RTEL1: variants seen among roughly 807,000 people sequenced by gnomAD.
RTEL1 encodes regulator of telomere elongation helicase 1.
A neutral mutation model predicts 162.2 loss-of-function variants in RTEL1; 86 were observed. The ratio of observed to expected loss-of-function variants is 0.53; its 90% CI spans 0.45 to 0.63. The LOEUF is 0.63. RTEL1 is among the 30% of genes least tolerant of loss of function. The pLI, the probability that RTEL1 is intolerant of heterozygous loss-of-function variation, is 0.00. For missense variants in RTEL1, 1,941 were observed against 1,750.2 expected (o/e 1.11, Z -1.95); for synonymous variants, 958 against 717.9 (o/e 1.33, Z -5.35).
intron 16 of RTEL1, chr20:63,687,286 C>T (rs926912117): frequency 1.2e-5 from 3 of 246,746 alleles, no homozygotes; most frequent in Admixed American, 5.0e-5. Flanking sequence ...CCGGCGCTTC[C>T]TTCCCGTGTG....
intron 30 of RTEL1, among the ~76,000 whole-genome samples, chr20:63,693,517 C>CCTT (rs2090853658): frequency 9.5e-6 from 1 of 105,496 alleles, no homozygotes; most frequent in Non-Finnish European, 2.0e-5. Context: ...ACCTCCTCCA[C>CCTT]CACCACCACC....
At chr20:63,688,991 C>T in intron 21 of RTEL1, 64 bp from the exon 22 acceptor site, 3 of 1,417,450 alleles carry the variant, frequency 2.1e-6, no homozygotes, top group Non-Finnish European at 3.0e-6. Context: ...CCTGGGTCTC[C>T]CTCATGGGGG....
At position 63,690,962 on chromosome 20, in the gene RTEL1, C is replaced by T. The variant is rs1396455354; in HGVS notation, c.2556+15C>T. On this transcript the variant is annotated intron_variant, in intron 27 of 34. Coordinates refer to ENST00000360203, the MANE Select transcript of RTEL1 (RefSeq NM_001283009.2). Reference sequence around the variant, plus strand: ...GCGAGGAGCAGGTACAGTTCCAGGGCCTTGGGATGGACACAGACCCTCTGT... The same window carrying T: ...GCGAGGAGCAGGTACAGTTCCAGGGTCTTGGGATGGACACAGACCCTCTGT... 3.9e-6 allele frequency: 6 copies of T among 1,544,282 alleles called. No individual in the cohort carries two copies. The African/African-American group carries it at 4.1e-5, about 11-fold the overall frequency.
chr20:63,692,011 C>G (rs1206376543), intron 28 of RTEL1, 174 bp downstream of exon 28: 1 of 571,184 alleles, frequency 1.8e-6, no homozygotes, highest in East Asian at 3.0e-5. Context: ...GTGGTTTCTT[C>G]TGCAGGGGGC....
At chr20:63,683,479 G>A (rs777760788) in intron 14 of RTEL1, among the ~76,000 whole-genome samples, 2 of 152,252 alleles carry the variant, frequency 1.3e-5, no homozygotes, top group South Asian at 2.1e-4. Context: ...CCTTCTGTGC[G>A]TACCCAGGCA....
intron 8 of RTEL1, 120 bp downstream of exon 8, chr20:63,667,673 A>T (rs2090163558): frequency 2.5e-6 from 2 of 803,726 alleles, no homozygotes; most frequent in Non-Finnish European, 4.3e-6. Flanking sequence ...GGGTGGGAGG[A>T]CTCACCTCTG....
Position 63,695,050 on chromosome 20 carries a change from T to C in RTEL1, c.3344-16T>C, listed in dbSNP as rs763563694. 2.8e-5 allele frequency: 45 copies of C among 1,611,024 alleles called. No homozygotes were observed. Among genetic ancestry groups the C allele is most frequent in the South Asian group, 6.6e-5 (6 of 91,038 alleles). On this transcript the variant is annotated splice_polypyrimidine_tract_variant and intron_variant, in intron 32 of 34. Transcript: ENST00000360203. ...AAAATGGGGGCTGTGCCGGGTCTGA[T>C]TGAAGCTCCCCGCAGGGTTCAGCAT...
In RTEL1 at chr20:63,696,237, C is replaced by A; in HGVS notation, c.*379C>A. The A allele has an allele frequency of 3.2e-6, 1 of 316,842 alleles. No individual in the cohort carries two copies. The highest frequency in any genetic ancestry group is 5.6e-5 in the South Asian group (1 of 17,710). 19.6% of individuals were successfully genotyped at this position (316,842 alleles called of 1,614,324 possible). On this transcript the variant is annotated 3_prime_UTR_variant, in exon 35 of 35. Coordinates refer to ENST00000360203, the MANE Select transcript of RTEL1 (RefSeq NM_001283009.2). ...CAGGGCTCTCTAATAAAGCTGCTGG[C>A]AGTGCCCAGGACGGTGTCTTCGTGG... is the stretch of plus-strand genomic sequence containing the variant.
chr20:63,661,474 T>TGAGGTG lies in RTEL1; in HGVS notation c.280_281insAGGTGG (p.Ala93_Ala94insGluVal). On this transcript the variant is annotated inframe_insertion, in exon 3 of 35. Coordinates refer to ENST00000360203, the MANE Select transcript of RTEL1 (RefSeq NM_001283009.2). The surrounding 1 kb of genome is among the most constrained non-coding windows in gnomAD (Gnocchi z 5.1). ...CCTTGTCATCCTGGGGCAACGCTGC[T>TGAGGTG]GCTGCTGCTGGAGACCCCATAGGTG... is the stretch of plus-strand genomic sequence containing the variant. 6.2e-7 allele frequency: 1 copy of TGAGGTG among 1,612,128 alleles called. No individual in the cohort carries two copies.
chr20:63,667,676 C>G, intron 8 of RTEL1, 123 bp downstream of exon 8: 2 of 771,952 alleles, frequency 2.6e-6, no homozygotes, highest in Non-Finnish European at 4.6e-6. Context: ...TGGGAGGACT[C>G]ACCTCTGTCA....
chr20:63,689,897 A>T lies in RTEL1; in HGVS notation c.2141+32A>T, dbSNP rs764302004. 7.6e-6 allele frequency: 12 copies of T among 1,580,742 alleles called. No individual in the cohort carries two copies. In the South Asian group the frequency reaches 1.2e-4, roughly 16 times the overall value. On this transcript the variant is annotated intron_variant, in intron 24 of 34. Transcript: ENST00000360203. ...GCAGTCCGGTGGCAGGCGCGGCGCC[A>T]GGGGACACGCCCACACCCCACTGGG...
At chr20:63,694,325 T>G in intron 30 of RTEL1, 47 bp from the exon 31 acceptor site, 1 of 964,276 alleles carries the variant, frequency 1.0e-6, no homozygotes. Flanking sequence ...CCAGGGAACT[T>G]TCCAGATGCT....
chr20:63,693,492 TCCACCTCCA>T (rs1568720308), intron 30 of RTEL1, among the ~76,000 whole-genome samples: 71 of 4,326 alleles, frequency 0.016, 1 homozygote, highest in Middle Eastern at 0.062. Flanking sequence ...CACCACCACC[TCCACCTCCA>T]CCACCACCTC....
chr20:63,680,828 C>A (rs1203596335), intron 14 of RTEL1, 109 bp downstream of exon 14: 2 of 1,542,674 alleles, frequency 1.3e-6, no homozygotes, highest in Non-Finnish European at 1.8e-6. Context: ...GAGAAAGGCC[C>A]CTACACCACC....
Position 63,695,377 on chromosome 20 carries a change from C to T in RTEL1, c.3549C>T (p.Ser1183=), listed in dbSNP as rs775274392. The T allele has an allele frequency of 5.2e-6, 8 of 1,546,304 alleles. No individual in the cohort carries two copies. In the East Asian group the frequency reaches 1.6e-4, roughly 31 times the overall value. Residue 1183 remains serine (S), a synonymous_variant, in exon 34 of 35, where the codon TCC becomes TCT. Coordinates refer to ENST00000360203, the MANE Select transcript of RTEL1 (RefSeq NM_001283009.2). ...KTGKTQSKIS[S]FLRQRPAGTV... ...GGAAGACCCAGAGCAAGATCTCGTC[C>T]TTCCTTAGACAGAGGCCAGCAGGGA...
At position 63,661,312 on chromosome 20, in the gene RTEL1, C is replaced by G; in HGVS notation, c.117C>G (p.Ile39Met). ...ACTCCGTTCAGAAGGTGAATGGCAT[C>G]CTGGAGAGCCCTACGGGTACAGGGA... is the stretch of plus-strand genomic sequence containing the variant. ...LECLQQKVNG[I>M]LESPTGTGKT... The change falls in exon 3 of 35, where the codon ATC (isoleucine) becomes ATG (methionine). Residue 39 changes from isoleucine to methionine, a missense_variant. Ile to Met is a conservative substitution (Grantham distance 10). Transcript: ENST00000360203. The surrounding 1 kb of genome is among the most constrained non-coding windows in gnomAD (Gnocchi z 5.1). 6.2e-7 allele frequency: 1 copy of G among 1,612,336 alleles called. No homozygotes were observed. Among genetic ancestry groups the G allele is most frequent in the South Asian group, 1.1e-5 (1 of 91,014 alleles).
At chr20:63,690,249 C>G (rs1220346037) in intron 25 of RTEL1, 39 bp downstream of exon 25, 1 of 1,604,244 alleles carries the variant, frequency 6.2e-7, no homozygotes, top group South Asian at 1.1e-5. Flanking sequence ...GGTGTTGTCC[C>G]CAGAGGAGCC....
At chr20:63,662,524 C>T (rs2090041271) in intron 4 of RTEL1, 22 bp from the exon 5 acceptor site, 3 of 1,613,624 alleles carry the variant, frequency 1.9e-6, no homozygotes, top group Non-Finnish European at 2.5e-6. Flanking sequence ...CCTCCTCGAC[C>T]CACGGTGCTC....
chr20:63,683,969 C>T (rs546843055), intron 14 of RTEL1, among the ~76,000 whole-genome samples: 17 of 55,902 alleles, frequency 3.0e-4, no homozygotes, highest in East Asian at 2.3e-3. Context: ...GATCCCATGC[C>T]GACATACATA....
Sources: allele counts gnomAD v4.1 joint callset (sites outside exome capture counted in the v4.1 genomes callset), GRCh38; gene constraint gnomAD v4.1.1; non-coding constraint Gnocchi (gnomAD v3.1); transcripts MANE v1.5; gene names NCBI Gene and HGNC (gene_info 2026-07-23, HGNC 2026-07-21).